HMGA2: variants seen among roughly 807,000 people sequenced by gnomAD.
The protein encoded by HMGA2 is high mobility group AT-hook 2.
HMGA2 carries 8 observed loss-of-function variants against 19.1 expected under a neutral mutation model. The observed-to-expected ratio is 0.42, with a 90% CI of 0.25 to 0.76. HMGA2 has a LOEUF of 0.76. Among genes scored for constraint, HMGA2 ranks in the 30% least tolerant of loss-of-function variants. The pLI is 0.28. For synonymous variants in HMGA2, 60 were observed against 48.8 expected (o/e 1.23, Z -0.96); for missense variants, 109 against 136.3 (o/e 0.80, Z 1.00).
At chr12:65,831,396 A>G (rs868626281) in intron 2 of HMGA2, among the ~76,000 whole-genome samples, 25 of 134,900 alleles carry the variant, frequency 1.9e-4, no homozygotes, top group Middle Eastern at 3.6e-3. Flanking sequence ...TCTCATTCAC[A>G]TATTTTAGGA....
intron 4 of HMGA2, chr12:65,952,399 T>C (rs1240370172): frequency 6.5e-7 from 1 of 1,534,852 alleles, no homozygotes; most frequent in Admixed American, 2.0e-5. Context: ...GGCAATCTTA[T>C]ATATCTACTG....
chr12:65,876,247 GA>G (rs904161168), intron 3 of HMGA2, among the ~76,000 whole-genome samples: 26 of 150,014 alleles, frequency 1.7e-4, no homozygotes, highest in African/African-American at 5.6e-4. Context: ...TGTATATATA[GA>G]AAAAAAAATA....
rs561837324 is a variant in HMGA2 at position 65,897,732 on chromosome 12, G to C, written c.250-53651G>C. 2.0e-5 allele frequency among the ~76,000 whole-genome samples: 3 copies of C among 152,342 alleles called. No individual in the cohort carries two copies. In the South Asian group the frequency reaches 6.2e-4, roughly 32 times the overall value. ...CCCAGCACTGTGGGAGGCCAAGGCA[G>C]GCAGATCACCTGAGGTCAGGTGTTT... is the stretch of plus-strand genomic sequence containing the variant. On this transcript the variant is annotated intron_variant, in intron 3 of 4. Transcript: ENST00000403681.
At chr12:65,952,434 A>G (rs1876489920) in intron 4 of HMGA2, 1 of 1,534,222 alleles carries the variant, frequency 6.5e-7, no homozygotes, top group Non-Finnish European at 8.7e-7. Flanking sequence ...CACTTAGAAG[A>G]GAATTGAAAC....
intron 4 of HMGA2, chr12:65,953,510 G>T (rs1331057556): frequency 6.6e-6 from 1 of 152,152 alleles, no homozygotes; most frequent in Non-Finnish European, 1.5e-5. Context: ...ATCATAGGTG[G>T]AGATTATTAA....
intron 3 of HMGA2, among the ~76,000 whole-genome samples, chr12:65,886,711 C>G (rs1873673866): frequency 6.6e-6 from 1 of 152,090 alleles, no homozygotes; most frequent in East Asian, 1.9e-4. Context: ...AGGACGTGAG[C>G]TAAAAGACAA....
At chr12:65,932,035 G>A (rs1476997592) in intron 3 of HMGA2, among the ~76,000 whole-genome samples, 1 of 152,132 alleles carries the variant, frequency 6.6e-6, no homozygotes. Flanking sequence ...TTTCGAGCAC[G>A]AGAAATCTGC....
At chr12:65,936,726 T>C (rs956095653) in intron 3 of HMGA2, among the ~76,000 whole-genome samples, 4 of 152,202 alleles carry the variant, frequency 2.6e-5, no homozygotes, top group African/African-American at 4.8e-5. Flanking sequence ...GCAACTGTGC[T>C]ATGTACTTTA....
intron 3 of HMGA2, among the ~76,000 whole-genome samples, chr12:65,899,184 T>C (rs180785421): frequency 9.9e-5 from 15 of 152,140 alleles, no homozygotes; most frequent in Admixed American, 5.2e-4. Context: ...TGCCTTCTGG[T>C]CAGTTTATAA....
chr12:65,868,311 T>C (rs761031480), intron 3 of HMGA2, among the ~76,000 whole-genome samples: 8 of 152,198 alleles, frequency 5.3e-5, no homozygotes, highest in Non-Finnish European at 2.9e-5. Flanking sequence ...TGTTCTGGCT[T>C]CATTTTTTTT....
chr12:65,838,141 A>T (rs1028027771), intron 2 of HMGA2, among the ~76,000 whole-genome samples: 1 of 152,178 alleles, frequency 6.6e-6, no homozygotes, highest in Admixed American at 6.5e-5. Flanking sequence ...ATCTTAAGAA[A>T]TATTAATTTT....
At chr12:65,844,679 A>T (rs1003630197) in intron 3 of HMGA2, among the ~76,000 whole-genome samples, 4 of 152,334 alleles carry the variant, frequency 2.6e-5, no homozygotes, top group South Asian at 2.1e-4. Flanking sequence ...AATCTGCCCT[A>T]CTTGGTCAGC....
intron 3 of HMGA2, chr12:65,866,959 TAG>T: frequency 2.2e-6 from 1 of 456,622 alleles, no homozygotes; most frequent in East Asian, 6.9e-5. Flanking sequence ...TTGACACTGG[TAG>T]AGAGAGAGAT....
At chr12:65,910,347 A>C (rs1302383453) in intron 3 of HMGA2, among the ~76,000 whole-genome samples, 1 of 152,144 alleles carries the variant, frequency 6.6e-6, no homozygotes, top group African/African-American at 2.4e-5. Context: ...TCAATAATCC[A>C]AGTATTCTCT....
chr12:65,853,805 C>G (rs1459981910), intron 3 of HMGA2, among the ~76,000 whole-genome samples: 2 of 152,198 alleles, frequency 1.3e-5, no homozygotes, highest in Non-Finnish European at 2.9e-5. Flanking sequence ...TTTCCCGTCT[C>G]TCTCTGGATC....
rs532987771 is a variant in HMGA2 at position 65,831,087 on chromosome 12, C to T, written c.198+3000C>T. 4.6e-5 allele frequency: 7 copies of T among 151,960 alleles called. No homozygotes were observed. The East Asian group carries it at 9.7e-4, about 21-fold the overall frequency. The allele number at this position is 151,960 out of a possible 1,614,324, so 9.4% of individuals were successfully genotyped here. On this transcript the variant is annotated intron_variant, in intron 2 of 4. Coordinates refer to ENST00000403681, the MANE Select transcript of HMGA2 (RefSeq NM_003483.6). ...TTCATTTGTCCATGTGTGTATACGTCTGTGTGAGCATATCTTTACCCTTTT... is the reference window on the plus strand; with the variant it reads ...TTCATTTGTCCATGTGTGTATACGTTTGTGTGAGCATATCTTTACCCTTTT...
Position 65,965,208 on chromosome 12 carries a change from C to T in HMGA2, c.*1916C>T. On this transcript the variant is annotated 3_prime_UTR_variant, in exon 5 of 5. Coordinates refer to ENST00000403681, the MANE Select transcript of HMGA2 (RefSeq NM_003483.6). Reference sequence around the variant, plus strand: ...CAACAAGCCCTGCTTTTGCATAATGCAATCAAAAATATGTGTTTTTAAGAT... The same window carrying T: ...CAACAAGCCCTGCTTTTGCATAATGTAATCAAAAATATGTGTTTTTAAGAT... 1 of 200,848 alleles carries T rather than the reference C, an allele frequency of 5.0e-6. No homozygotes were observed. Among genetic ancestry groups the T allele is most frequent in the Non-Finnish European group, 1.0e-5 (1 of 97,154 alleles). 12.4% of individuals were successfully genotyped at this position (200,848 alleles called of 1,614,324 possible).
chr12:65,954,713 A>G (rs1215171406), intron 4 of HMGA2: 1 of 152,246 alleles, frequency 6.6e-6, no homozygotes, highest in Non-Finnish European at 1.5e-5. Context: ...AGGTGTCATC[A>G]GCTGCAAACA....
intron 3 of HMGA2, among the ~76,000 whole-genome samples, chr12:65,866,642 A>G (rs143874185): frequency 5.8e-4 from 89 of 152,354 alleles, no homozygotes; most frequent in Admixed American, 4.7e-3. Context: ...TGTGATACCC[A>G]TGTAACTACC....
Sources: gnomAD v4.1 joint callset for allele counts (sites outside exome capture counted in the v4.1 genomes callset) on GRCh38, gnomAD v4.1.1 for gene constraint, MANE v1.5 for transcripts, NCBI Gene and HGNC (gene_info 2026-07-23, HGNC 2026-07-21) for gene names.